TMEM200C: variants seen among roughly 807,000 people sequenced by gnomAD.
TMEM200C encodes the protein transmembrane protein 200C.
For synonymous variants in TMEM200C, 462 were observed against 324.7 expected, an observed-to-expected ratio of 1.42 and a Z score of -4.55; for missense variants, 966 against 699.9, an observed-to-expected ratio of 1.38 and a Z score of -4.29.
At chr18:5,894,013 G>A (rs982514230) in intron 2 of TMEM200C, among the ~76,000 whole-genome samples, 1 of 152,222 alleles carries the variant, frequency 6.6e-6, no homozygotes, top group African/African-American at 2.4e-5. Context: ...GATCCTTGGA[G>A]TCCAGCATCT....
exon 3 of TMEM200C, chr18:5,890,140 G>C (rs2095168520): frequency 6.8e-7 from 1 of 1,469,826 alleles, no homozygotes; most frequent in Non-Finnish European, 9.1e-7. Flanking sequence ...TTAATGCACT[G>C]ATTCAAGTGG....
Position 5,891,201 on chromosome 18 carries a change from G to A in TMEM200C, c.863C>T (p.Pro288Leu), listed in dbSNP as rs1335667191. The A allele has an allele frequency of 2.9e-6, 3 of 1,017,104 alleles. No individual in the cohort carries two copies. In the African/African-American group the frequency reaches 5.1e-5, roughly 17 times the overall value. The allele number at this position is 1,017,104 out of a possible 1,614,324, so 63.0% of individuals were successfully genotyped here. A position where few individuals can be genotyped will look rare whatever the true frequency, so the allele number is the denominator to read the frequency against. ...AGGGCGGCCGCCGCTCGGCGCCGCGGGGTGAGGAGGCCACGAGCCCTTGGC... is the reference window on the plus strand; with the variant it reads ...AGGGCGGCCGCCGCTCGGCGCCGCGAGGTGAGGAGGCCACGAGCCCTTGGC... Residue 288 changes from proline (P) to leucine (L), a missense_variant, in exon 3 of 3, where the codon CCC becomes CTC. Transcript: ENST00000581347. This position sits in a 1 kb window ranked among gnomAD's most constrained non-coding sequence, Gnocchi z 4.7.
chr18:5,894,400 C>T (rs1051769932), intron 2 of TMEM200C, among the ~76,000 whole-genome samples: 1 of 152,160 alleles, frequency 6.6e-6, no homozygotes, highest in Non-Finnish European at 1.5e-5. Flanking sequence ...GAAATACAGA[C>T]AAAGGTCAGA....
Position 5,890,616 on chromosome 18 carries a change from G to C in TMEM200C, c.1448C>G (p.Ser483Cys), listed in dbSNP as rs1166414591. The change falls in exon 3 of 3, where the codon TCC becomes TGC. Residue 483 changes from serine to cysteine, a missense_variant. By Grantham distance (112) the Ser-to-Cys change is moderately radical. Transcript: ENST00000581347. Reference sequence around the variant, plus strand: ...CCCCGGGGAGGGCGGGGGCTCGGGGGACGGCGGCGCCCGGTAGTCCGGGAG... The same window carrying C: ...CCCCGGGGAGGGCGGGGGCTCGGGGCACGGCGGCGCCCGGTAGTCCGGGAG... 2.9e-6 allele frequency: 3 copies of C among 1,047,770 alleles called. No homozygotes were observed. In the Admixed American group the frequency reaches 1.3e-4, roughly 45 times the overall value. The allele number at this position is 1,047,770 out of a possible 1,614,324, so 64.9% of individuals were successfully genotyped here. A position where few individuals can be genotyped will look rare whatever the true frequency, so the allele number is the denominator to read the frequency against.
exon 3 of TMEM200C, chr18:5,883,837 C>T (rs1398007703): frequency 6.6e-6 from 1 of 152,044 alleles, no homozygotes; most frequent in Non-Finnish European, 1.5e-5. Context: ...GTTTTATCTC[C>T]TTATACACAC....
chr18:5,889,949 C>T, exon 3 of TMEM200C: 3 of 355,066 alleles, frequency 8.4e-6, no homozygotes. Flanking sequence ...CCTTTTAATA[C>T]ATTTGGTTTT....
Position 5,891,978 on chromosome 18 carries a change from C to A in TMEM200C, c.86G>T (p.Arg29Leu). 1.9e-6 allele frequency: 3 copies of A among 1,613,966 alleles called. No individual in the cohort carries two copies. Among genetic ancestry groups the A allele is most frequent in the Non-Finnish European group, 1.7e-6 (2 of 1,179,890 alleles). The stretch of plus-strand genomic sequence containing the variant: ...GTTCTTGCGCCTCTTCTTGGCTTTC[C>A]GCTTGCGCTTGGGTATCTGGCTTGG... Residue 29 changes from arginine (R) to leucine (L), a missense_variant, in exon 3 of 3, where the codon CGG becomes CTG. Physicochemically the swap from Arg to Leu is moderately radical, Grantham distance 102. Transcript: ENST00000581347. The surrounding 1 kb of genome is among the most constrained non-coding windows in gnomAD (Gnocchi z 4.7).
chr18:5,887,175 C>T (rs1231420571), exon 3 of TMEM200C: 1 of 152,142 alleles, frequency 6.6e-6, no homozygotes, highest in Non-Finnish European at 1.5e-5. Context: ...ATTTAACATT[C>T]GAGTCCTGCC....
At chr18:5,890,863 A>C in exon 3 of TMEM200C, 1 of 681,996 alleles carries the variant, frequency 1.5e-6, no homozygotes, top group Non-Finnish European at 2.7e-6. Flanking sequence ...GGCCTCTGCC[A>C]GCTGCAGCTC....
chr18:5,895,693 G>C (rs1267458156), intron 1 of TMEM200C, among the ~76,000 whole-genome samples, 171 bp from the exon 1 acceptor site: 1 of 150,278 alleles, frequency 6.7e-6, no homozygotes, highest in Non-Finnish European at 1.5e-5. Context: ...TCGGGGAGGA[G>C]GAGGCGTGAG....
At chr18:5,892,295 C>T (rs2095172080) in intron 2 of TMEM200C, 138 bp from the exon 2 acceptor site, 2 of 578,246 alleles carry the variant, frequency 3.5e-6, no homozygotes, top group Non-Finnish European at 3.1e-6. Flanking sequence ...GAAACAAGGC[C>T]GTGTACAGAG....
At chr18:5,882,972 A>G (rs1176222601) in exon 3 of TMEM200C, 1 of 152,156 alleles carries the variant, frequency 6.6e-6, no homozygotes, top group African/African-American at 2.4e-5. Flanking sequence ...TTTATCAAGA[A>G]TTCTATGTGC....
At position 5,891,313 on chromosome 18, in the gene TMEM200C, G is replaced by T; in HGVS notation, c.751C>A (p.Leu251Ile). Reference sequence around the variant, plus strand: ...AGGCCCCGCGACTGCACGTAGCTGAGGAAGCCGTTGAGCGGTATGGCCCCG... The same window carrying T: ...AGGCCCCGCGACTGCACGTAGCTGATGAAGCCGTTGAGCGGTATGGCCCCG... The change falls in exon 3 of 3, where the codon CTC becomes ATC. Residue 251 changes from leucine to isoleucine, a missense_variant. Physicochemically the swap from Leu to Ile is conservative, Grantham distance 5. Transcript: ENST00000581347. This position sits in a 1 kb window ranked among gnomAD's most constrained non-coding sequence, Gnocchi z 4.7. The T allele has an allele frequency of 7.1e-7, 1 of 1,409,960 alleles. No individual in the cohort carries two copies. The allele number at this position is 1,409,960 out of a possible 1,614,324, so 87.3% of individuals were successfully genotyped here. A position where few individuals can be genotyped will look rare whatever the true frequency, so the allele number is the denominator to read the frequency against.
exon 3 of TMEM200C, chr18:5,885,776 G>GA (rs555878796): frequency 6.6e-6 from 1 of 152,078 alleles, no homozygotes; most frequent in African/African-American, 2.4e-5. Flanking sequence ...CCTTTTTGAA[G>GA]AAAAAACCCC....
intron 2 of TMEM200C, among the ~76,000 whole-genome samples, chr18:5,892,823 C>T (rs2095172587): frequency 6.6e-6 from 1 of 152,226 alleles, no homozygotes; most frequent in African/African-American, 2.4e-5. Context: ...TTGCAATACT[C>T]TGACAATAAA....
chr18:5,882,187 A>G (rs1167997433), exon 3 of TMEM200C: 1 of 152,094 alleles, frequency 6.6e-6, no homozygotes, highest in Non-Finnish European at 1.5e-5. Flanking sequence ...AACTTGGATT[A>G]TTTTTACTCA....
chr18:5,890,640 A>G (rs2144447752), exon 3 of TMEM200C: 1 of 802,860 alleles, frequency 1.2e-6, no homozygotes, highest in Non-Finnish European at 1.7e-6. Context: ...GTAGTCCGGG[A>G]GCCCGCTGGT....
At chr18:5,890,263 G>A (rs759318395) in exon 3 of TMEM200C, 2 of 1,593,510 alleles carry the variant, frequency 1.3e-6, no homozygotes, top group Non-Finnish European at 1.7e-6. Flanking sequence ...ATCATGATGA[G>A]TTTCTCCTTG....
chr18:5,894,185 G>A (rs553528591), intron 2 of TMEM200C, among the ~76,000 whole-genome samples: 2 of 152,132 alleles, frequency 1.3e-5, no homozygotes, highest in South Asian at 2.1e-4. Context: ...GGATGCCTTG[G>A]GGGAGGAGGA....
Sources: allele counts gnomAD v4.1 joint callset (sites outside exome capture counted in the v4.1 genomes callset), GRCh38; gene constraint gnomAD v4.1.1; non-coding constraint Gnocchi (gnomAD v3.1); transcripts MANE v1.5; gene names NCBI Gene and HGNC (gene_info 2026-07-23, HGNC 2026-07-21).